The following ZFPM2 variants were observed in gnomAD, a reference collection of about 807,000 sequenced individuals.
ZFPM2 encodes the protein zinc finger protein, FOG family member 2, also known as zinc finger protein ZFPM2.
A neutral mutation model predicts 98.6 loss-of-function variants in ZFPM2; 20 were observed. The observed-to-expected ratio is 0.20, with a 90% CI of 0.14 to 0.29. The LOEUF is 0.29. ZFPM2 is among the 10% of genes least tolerant of loss of function. ZFPM2 has a pLI of 1.00. For synonymous variants in ZFPM2, 518 were observed against 502.7 expected, an observed-to-expected ratio of 1.03 and a Z score of -0.41; for missense variants, 1,310 against 1,388.6, an observed-to-expected ratio of 0.94 and a Z score of 0.90.
intron 1 of ZFPM2, among the ~76,000 whole-genome samples, chr8:105,327,602 T>C (rs1360834413): frequency 6.6e-6 from 1 of 151,682 alleles, no homozygotes; most frequent in East Asian, 1.9e-4. Flanking sequence ...TATTTCAAAG[T>C]ACTTTAAAAT....
rs150438719 is a variant in ZFPM2, at chr8:105,561,126, T to C, written c.302-237T>C. Among the ~76,000 whole-genome samples the C allele has an allele frequency of 1.3e-3, 203 of 152,280 alleles. 2 individuals are homozygous for C. Among genetic ancestry groups the C allele is most frequent in the African/African-American group, 4.7e-3 (197 of 41,572 alleles). On this transcript the variant is annotated intron_variant, in intron 3 of 7. Coordinates refer to ENST00000407775, the MANE Select transcript of ZFPM2 (RefSeq NM_012082.4). Reference sequence around the variant, plus strand: ...CTTAACTAAAAAGAATTGGCTTCAGTAGATGATGCATGTGAAAAGGTGAAA... The same window carrying C: ...CTTAACTAAAAAGAATTGGCTTCAGCAGATGATGCATGTGAAAAGGTGAAA...
intron 5 of ZFPM2, among the ~76,000 whole-genome samples, chr8:105,773,482 T>C (rs1813028498): frequency 6.6e-6 from 1 of 151,968 alleles, no homozygotes; most frequent in Non-Finnish European, 1.5e-5. Context: ...AAATATTCAT[T>C]TGGAGTAAAA....
intron 3 of ZFPM2, among the ~76,000 whole-genome samples, chr8:105,455,614 GA>G (rs1039859873): frequency 6.9e-4 from 105 of 152,304 alleles, no homozygotes; most frequent in African/African-American, 2.4e-3. Flanking sequence ...AAACGACTCT[GA>G]TGACTATGTA....
chr8:105,525,098 A>T (rs1814146532), intron 3 of ZFPM2, among the ~76,000 whole-genome samples: 1 of 152,326 alleles, frequency 6.6e-6, no homozygotes, highest in Non-Finnish European at 1.5e-5. Context: ...CAGTGTAATT[A>T]AAACCTGTTT....
In ZFPM2 at chr8:105,627,622, A is replaced by G. The variant is rs369819849; in HGVS notation, c.421-6624A>G. 1.2e-4 allele frequency among the ~76,000 whole-genome samples: 19 copies of G among 152,234 alleles called. 2 individuals carry two copies. The highest frequency in any genetic ancestry group is 9.2e-4 in the Admixed American group (14 of 15,282). ...ATAAGCTAGGTTTTGCTGAGGCTGTATGCAACCCTAATACTACAACAGCTT... is the reference window on the plus strand; with the variant it reads ...ATAAGCTAGGTTTTGCTGAGGCTGTGTGCAACCCTAATACTACAACAGCTT... On this transcript the variant is annotated intron_variant, in intron 4 of 7. Coordinates refer to ENST00000407775, the MANE Select transcript of ZFPM2 (RefSeq NM_012082.4).
chr8:105,621,466 C>T (rs1316364235), intron 4 of ZFPM2, among the ~76,000 whole-genome samples: 1 of 152,166 alleles, frequency 6.6e-6, no homozygotes, highest in Non-Finnish European at 1.5e-5. Flanking sequence ...ATCATGTCAT[C>T]TGCAAACAGG....
At chr8:105,322,155 G>A (rs1307106034) in intron 1 of ZFPM2, among the ~76,000 whole-genome samples, 2 of 152,042 alleles carry the variant, frequency 1.3e-5, no homozygotes, top group South Asian at 2.1e-4. Context: ...CCATCTCCCC[G>A]CACAGCTGCT....
At chr8:105,793,492 G>A (rs1180073410) in intron 6 of ZFPM2, among the ~76,000 whole-genome samples, 11 of 152,124 alleles carry the variant, frequency 7.2e-5, no homozygotes, top group Non-Finnish European at 7.4e-5. Context: ...TGGGTAACCC[G>A]TCCTTTCTCT....
chr8:105,358,030 T>C (rs924042740), intron 1 of ZFPM2, among the ~76,000 whole-genome samples: 2 of 152,256 alleles, frequency 1.3e-5, no homozygotes, highest in African/African-American at 4.8e-5. Context: ...GCAGAGTTAA[T>C]GGATTCAGCT....
At chr8:105,663,954 C>T (rs1262667316) in intron 5 of ZFPM2, among the ~76,000 whole-genome samples, 27 of 152,264 alleles carry the variant, frequency 1.8e-4, no homozygotes, top group Non-Finnish European at 1.2e-4. Flanking sequence ...ATTTCCGATA[C>T]GTGTCCCCTT....
intron 5 of ZFPM2, among the ~76,000 whole-genome samples, chr8:105,728,088 A>G (rs934874812): frequency 6.6e-6 from 1 of 151,718 alleles, no homozygotes; most frequent in Non-Finnish European, 1.5e-5. Flanking sequence ...TCCTTTAACA[A>G]GTATGCAAAT....
At chr8:105,327,057 C>A (rs2130657920) in intron 1 of ZFPM2, among the ~76,000 whole-genome samples, 1 of 151,406 alleles carries the variant, frequency 6.6e-6, no homozygotes, top group African/African-American at 2.4e-5. Context: ...CAATTGATTT[C>A]TTTCTTAGAA....
chr8:105,431,869 G>A (rs544610903), intron 2 of ZFPM2, among the ~76,000 whole-genome samples: 11 of 144,430 alleles, frequency 7.6e-5, no homozygotes, highest in Admixed American at 4.4e-4. Context: ...ACAGTGAGCC[G>A]TGATAGTACC....
Position 105,801,444 on chromosome 8 carries a change from A to G in ZFPM2, c.1362A>G (p.Pro454=), listed in dbSNP as rs920628. The stretch of plus-strand genomic sequence containing the variant: ...AGCTCTTTCTCACGAACCAGAGACC[A>G]GAGATACAGCCTACAACAAATAAAC... ...KTQLFLTNQR[P]EIQPTTNKQS... is the part of the protein sequence containing the mutation. The change falls in exon 8 of 8, where the codon CCA becomes CCG. Residue 454 remains proline, a synonymous_variant. Transcript: ENST00000407775. 0.041 allele frequency: 65,489 copies of G among 1,613,784 alleles called. 5,110 individuals carry two copies. The highest frequency in any genetic ancestry group is 0.34 in the African/African-American group (25,210 of 74,910).
At chr8:105,751,701 A>C (rs1454259196) in intron 5 of ZFPM2, among the ~76,000 whole-genome samples, 3 of 152,064 alleles carry the variant, frequency 2.0e-5, no homozygotes, top group African/African-American at 7.2e-5. Flanking sequence ...CATTTTCTTA[A>C]GCAAAAAAGG....
chr8:105,801,309 G>C lies in ZFPM2; in HGVS notation c.1227G>C (p.Gln409His). ...CAAGTGCAACTGAAGACAGCTTACA[G>C]CCAGCCACAGACTTATTGACCAGAA... The part of the protein sequence containing the change: ...HSPSATEDSL[Q>H]PATDLLTRSE... The change falls in exon 8 of 8, where the codon CAG becomes CAC. Residue 409 changes from glutamine to histidine, a missense_variant. Gln to His is a conservative substitution (Grantham distance 24). Transcript: ENST00000407775. The C allele has an allele frequency of 1.2e-6, 2 of 1,613,910 alleles. No individual in the cohort carries two copies. Among genetic ancestry groups the C allele is most frequent in the Non-Finnish European group, 1.7e-6 (2 of 1,179,872 alleles).
At position 105,803,697 on chromosome 8, in the gene ZFPM2, T is replaced by A; in HGVS notation, c.*159T>A. On this transcript the variant is annotated 3_prime_UTR_variant, in exon 8 of 8. Transcript: ENST00000407775. ...AAGGTGTAATTTCATTACAGTCCATTAGTAAAGTGTATTATTGGTGCCATT... is the reference window on the plus strand; with the variant it reads ...AAGGTGTAATTTCATTACAGTCCATAAGTAAAGTGTATTATTGGTGCCATT... 1 of 681,480 alleles carries A rather than the reference T, an allele frequency of 1.5e-6. No homozygotes were observed. The highest frequency in any genetic ancestry group is 2.4e-6 in the Non-Finnish European group (1 of 411,722). The allele number at this position is 681,480 out of a possible 1,614,324, so 42.2% of individuals were successfully genotyped here. A position where few individuals can be genotyped will look rare whatever the true frequency, so the allele number is the denominator to read the frequency against.
intron 3 of ZFPM2, among the ~76,000 whole-genome samples, chr8:105,491,567 G>C (rs1022389521): frequency 6.6e-6 from 1 of 152,110 alleles, no homozygotes; most frequent in Admixed American, 6.6e-5. Context: ...TGTTGTTGGA[G>C]TTTGAATGCA....
intron 1 of ZFPM2, among the ~76,000 whole-genome samples, chr8:105,349,240 T>A (rs146147104): frequency 2.1e-4 from 32 of 152,308 alleles, no homozygotes; most frequent in African/African-American, 7.2e-4. Flanking sequence ...TATCCACAGT[T>A]AGATCCATAT....
Sources: allele counts gnomAD v4.1 joint callset (sites outside exome capture counted in the v4.1 genomes callset), GRCh38; gene constraint gnomAD v4.1.1; transcripts MANE v1.5; gene names NCBI Gene and HGNC (gene_info 2026-07-23, HGNC 2026-07-21).